The following ERBB4 variants were observed in gnomAD, a reference collection of about 807,000 sequenced individuals.
ERBB4 encodes receptor tyrosine-protein kinase erbB-4.
A neutral mutation model predicts 158.0 loss-of-function variants in ERBB4; 42 were observed. The ratio of observed to expected loss-of-function variants is 0.27; its 90% CI spans 0.21 to 0.34. ERBB4 has a LOEUF of 0.34. Ranked by LOEUF, ERBB4 falls within the 10% of genes least tolerant of loss-of-function variation. The pLI, the probability that ERBB4 is intolerant of heterozygous loss-of-function variation, is 1.00. For synonymous variants in ERBB4, 583 were observed against 558.7 expected, an observed-to-expected ratio of 1.04 and a Z score of -0.61; for missense variants, 1,333 against 1,624.1, an observed-to-expected ratio of 0.82 and a Z score of 3.08.
At chr2:212,062,396 ATTCTTTTTTTTTTTTTTT>A (rs1367904164) in intron 2 of ERBB4, among the ~76,000 whole-genome samples, 8 of 96,522 alleles carry the variant, frequency 8.3e-5, no homozygotes, top group Non-Finnish European at 1.6e-4. Flanking sequence ...TCACTTGTCA[ATTCTTTTTTTTTTTTTTT>A]TTTTTTTTTT....
chr2:212,234,565 TC>T lies in ERBB4; in HGVS notation c.83-109663del, dbSNP rs200851232. 9.2e-3 allele frequency among the ~76,000 whole-genome samples: 1,404 copies of T among 152,306 alleles called. 14 individuals are homozygous for T. The highest frequency in any genetic ancestry group is 0.031 in the African/African-American group (1,290 of 41,558). ...TCCTTAAGGAATTGCCACATTGACT[TC>T]CAAAATGGTTGAACTAATTACACTC... On this transcript the variant is annotated intron_variant, in intron 1 of 27. Transcript: ENST00000342788.
At chr2:212,328,695 G>T (rs2087983101) in intron 1 of ERBB4, among the ~76,000 whole-genome samples, 1 of 151,944 alleles carries the variant, frequency 6.6e-6, no homozygotes, top group Non-Finnish European at 1.5e-5. Context: ...CTGATATTCT[G>T]ATACACTTCA....
At chr2:212,296,419 A>G (rs2086412729) in intron 1 of ERBB4, among the ~76,000 whole-genome samples, 1 of 152,120 alleles carries the variant, frequency 6.6e-6, no homozygotes, top group East Asian at 1.9e-4. Context: ...AGACATTGAC[A>G]TATTCAATTT....
intron 3 of ERBB4, among the ~76,000 whole-genome samples, chr2:211,847,538 G>C (rs2077618992): frequency 1.3e-5 from 2 of 152,150 alleles, no homozygotes; most frequent in African/African-American, 4.8e-5. Flanking sequence ...TATACAGCAA[G>C]CTTGTCCAAC....
chr2:211,970,760 C>G (rs2081430207), intron 2 of ERBB4, among the ~76,000 whole-genome samples: 1 of 152,112 alleles, frequency 6.6e-6, no homozygotes, highest in Non-Finnish European at 1.5e-5. Context: ...TATTTTGAGC[C>G]TATGTGTGTC....
chr2:211,448,520 A>G (rs1007856534), intron 20 of ERBB4, among the ~76,000 whole-genome samples: 2 of 152,036 alleles, frequency 1.3e-5, no homozygotes, highest in African/African-American at 4.8e-5. Flanking sequence ...TGCAATACAG[A>G]TTATAAGAAA....
At chr2:212,496,502 A>G (rs879861695) in intron 1 of ERBB4, among the ~76,000 whole-genome samples, 1 of 152,222 alleles carries the variant, frequency 6.6e-6, no homozygotes, top group Admixed American at 6.5e-5. Context: ...TTGAACAGAG[A>G]CATCTGGCAA....
At position 211,623,010 on chromosome 2, in the gene ERBB4, T is replaced by C. The variant is rs868109746; in HGVS notation, c.2202+912A>G. The stretch of plus-strand genomic sequence containing the variant: ...AAAAAAATATATATATATATATATA[T>C]ATATATATATATATATATATATATA... On this transcript the variant is annotated intron_variant, in intron 18 of 27. Transcript: ENST00000342788. Among the ~76,000 whole-genome samples the C allele has an allele frequency of 8.3e-5, 4 of 47,948 alleles. 1 individual carries two copies. In the South Asian group the frequency reaches 2.7e-3, roughly 32 times the overall value. The allele number at this position is 47,948 out of a possible 152,430, so 31.5% of individuals were successfully genotyped here. A position where few individuals can be genotyped will look rare whatever the true frequency, so the allele number is the denominator to read the frequency against.
At chr2:212,167,133 A>T (rs2081369334) in intron 1 of ERBB4, among the ~76,000 whole-genome samples, 1 of 152,178 alleles carries the variant, frequency 6.6e-6, no homozygotes, top group Non-Finnish European at 1.5e-5. Context: ...AGCAAAAGAA[A>T]CTATCATCAG....
intron 4 of ERBB4, among the ~76,000 whole-genome samples, chr2:211,783,066 G>T (rs1433987802): frequency 6.6e-6 from 1 of 152,020 alleles, no homozygotes; most frequent in East Asian, 1.9e-4. Context: ...TTGTAGTTCT[G>T]CTTGAAGAGG....
At chr2:212,296,971 C>T (rs1027755817) in intron 1 of ERBB4, among the ~76,000 whole-genome samples, 2 of 151,914 alleles carry the variant, frequency 1.3e-5, no homozygotes, top group Non-Finnish European at 2.9e-5. Flanking sequence ...ACCAACGCTA[C>T]TAATCCTTCT....
intron 1 of ERBB4, among the ~76,000 whole-genome samples, chr2:212,397,317 A>G (rs1040019644): frequency 6.6e-6 from 1 of 152,148 alleles, no homozygotes; most frequent in Admixed American, 6.5e-5. Context: ...TCTACAAAAA[A>G]TACAAAACAG....
chr2:212,407,628 A>T (rs912034238), intron 1 of ERBB4, among the ~76,000 whole-genome samples: 1 of 152,078 alleles, frequency 6.6e-6, no homozygotes, highest in Non-Finnish European at 1.5e-5. Context: ...GAGTATGTGT[A>T]ATATATATAT....
chr2:211,519,566 T>C (rs1435047390), intron 20 of ERBB4, among the ~76,000 whole-genome samples: 1 of 151,966 alleles, frequency 6.6e-6, no homozygotes, highest in Non-Finnish European at 1.5e-5. Flanking sequence ...TATTCCAAAT[T>C]TCAGACAAAC....
At chr2:211,568,989 T>C (rs1574770469) in intron 19 of ERBB4, among the ~76,000 whole-genome samples, 1 of 152,312 alleles carries the variant, frequency 6.6e-6, no homozygotes, top group East Asian at 1.9e-4. Context: ...GGTAAATAGG[T>C]GAGCAGTAAT....
chr2:212,126,536 A>C lies in ERBB4; in HGVS notation c.83-1633T>G, dbSNP rs58545471. Reference sequence around the variant, plus strand: ...TTTTTAGATACTATTCTTATGGTTTATATACCTGCCAGAACACAATCTTCA... The same window carrying C: ...TTTTTAGATACTATTCTTATGGTTTCTATACCTGCCAGAACACAATCTTCA... On this transcript the variant is annotated intron_variant, in intron 1 of 27. Transcript: ENST00000342788. Among the ~76,000 whole-genome samples, 473 of 151,588 alleles carry C rather than the reference A, an allele frequency of 3.1e-3. 3 individuals carry two copies. Among genetic ancestry groups the C allele is most frequent in the African/African-American group, 0.011 (453 of 41,362 alleles).
At chr2:212,345,262 T>C (rs2088934549) in intron 1 of ERBB4, among the ~76,000 whole-genome samples, 1 of 9,328 alleles carries the variant, frequency 1.1e-4, no homozygotes, top group Admixed American at 1.6e-3. Flanking sequence ...CAAGACTCCG[T>C]CTCAAAAAAA....
chr2:211,435,823 G>A (rs1056491767), intron 20 of ERBB4, among the ~76,000 whole-genome samples: 14 of 152,204 alleles, frequency 9.2e-5, no homozygotes, highest in Non-Finnish European at 1.5e-5. Context: ...CTAATGCATG[G>A]TAGAAGTTGG....
At chr2:211,492,744 TA>T (rs1358318525) in intron 20 of ERBB4, among the ~76,000 whole-genome samples, 2 of 152,220 alleles carry the variant, frequency 1.3e-5, no homozygotes, top group East Asian at 3.9e-4. Context: ...ACAACTGATA[TA>T]AGTAATAGCA....
Sources: gnomAD v4.1 joint callset for allele counts (sites outside exome capture counted in the v4.1 genomes callset) on GRCh38, gnomAD v4.1.1 for gene constraint, MANE v1.5 for transcripts, NCBI Gene and HGNC (gene_info 2026-07-23, HGNC 2026-07-21) for gene names.